FBXL13: variants seen among roughly 807,000 people sequenced by gnomAD.
FBXL13 encodes the protein F-box and leucine rich repeat protein 13, also known as F-box and leucine-rich repeat protein 13.
FBXL13 carries 67 observed loss-of-function variants against 83.6 expected under a neutral mutation model. The ratio of observed to expected loss-of-function variants is 0.80; its 90% CI spans 0.66 to 0.98. The LOEUF (loss-of-function observed/expected upper bound fraction) is 0.98. Ranked by LOEUF, FBXL13 falls within the 50% of genes least tolerant of loss-of-function variation. The probability of loss-of-function intolerance (pLI) is 0.00; values close to 1 mark genes in which losing one functional copy is unlikely to be tolerated. For synonymous variants in FBXL13, 272 were observed against 299.5 expected, an observed-to-expected ratio of 0.91 and a Z score of 0.95; for missense variants, 822 against 866.5, an observed-to-expected ratio of 0.95 and a Z score of 0.64.
intron 14 of FBXL13, among the ~76,000 whole-genome samples, chr7:102,881,799 A>G (rs1230730819): frequency 6.6e-6 from 1 of 152,194 alleles, no homozygotes; most frequent in Non-Finnish European, 1.5e-5. Flanking sequence ...GTCTGCTTCC[A>G]GGCTCACTCA....
rs543899340 is a variant in FBXL13 at position 102,900,830 on chromosome 7, G to A, written c.1008+12256C>T. On this transcript the variant is annotated intron_variant, in intron 11 of 19. Transcript: ENST00000313221. ...TACTGAATTATTAAATGAACAGATG[G>A]AAATGAAAAAGGGATGAATGAAAGA... Among the ~76,000 whole-genome samples the A allele has an allele frequency of 2.5e-3, 379 of 152,178 alleles. 2 individuals are homozygous for A. The highest frequency in any genetic ancestry group is 0.01 in the Middle Eastern group (3 of 294).
intron 11 of FBXL13, among the ~76,000 whole-genome samples, chr7:102,893,637 G>A (rs1254693480): frequency 2.6e-5 from 4 of 151,906 alleles, no homozygotes; most frequent in South Asian, 2.1e-4. Context: ...GTGTGGTGGC[G>A]GGGACCTGTA....
intron 6 of FBXL13, among the ~76,000 whole-genome samples, chr7:103,024,135 AAGAGAGAGAGAGAGAGAG>A (rs59206823): frequency 0.016 from 1,581 of 96,670 alleles, 37 homozygotes; most frequent in African/African-American, 0.045. Context: ...AAAAGTTAAA[AAGAGAGAGAGAGAGAGAG>A]AGAGAGAGAG....
At chr7:103,013,267 A>G (rs1366010024) in intron 6 of FBXL13, among the ~76,000 whole-genome samples, 1 of 152,196 alleles carries the variant, frequency 6.6e-6, no homozygotes, top group African/African-American at 2.4e-5. Flanking sequence ...ACCTGAACTC[A>G]ATGCTTGACC....
At chr7:102,991,934 C>T (rs1829605184) in intron 6 of FBXL13, among the ~76,000 whole-genome samples, 1 of 152,184 alleles carries the variant, frequency 6.6e-6, no homozygotes, top group Non-Finnish European at 1.5e-5. Flanking sequence ...GCCTCCTACC[C>T]CTCCAGTCAC....
chr7:102,823,903 A>G (rs1444350003), intron 18 of FBXL13, among the ~76,000 whole-genome samples: 1 of 152,202 alleles, frequency 6.6e-6, no homozygotes, highest in Non-Finnish European at 1.5e-5. Context: ...AATGCCTCAG[A>G]CATTCCTGCC....
chr7:103,059,678 T>C (rs1193567555), intron 1 of FBXL13, among the ~76,000 whole-genome samples: 3 of 152,140 alleles, frequency 2.0e-5, no homozygotes, highest in African/African-American at 7.2e-5. Flanking sequence ...TTGGCTCTAC[T>C]TCCCTACACT....
chr7:102,941,566 T>C (rs575900186), intron 8 of FBXL13, among the ~76,000 whole-genome samples: 29 of 152,272 alleles, frequency 1.9e-4, no homozygotes, highest in African/African-American at 6.7e-4. Flanking sequence ...TCTTGATAAA[T>C]AGACTCTGTC....
At chr7:103,028,843 T>A in intron 3 of FBXL13, 95 bp from the exon 5 acceptor site, 1 of 1,062,788 alleles carries the variant, frequency 9.4e-7, no homozygotes, top group Non-Finnish European at 1.3e-6. Flanking sequence ...GATATCTCCT[T>A]TATGACCTCA....
chr7:102,908,244 G>C (rs1814071373), intron 11 of FBXL13, among the ~76,000 whole-genome samples: 1 of 152,100 alleles, frequency 6.6e-6, no homozygotes, highest in Non-Finnish European at 1.5e-5. Flanking sequence ...TTCAGCTCCA[G>C]AATTTGTTTC....
chr7:102,957,077 G>C (rs904894243), intron 8 of FBXL13, among the ~76,000 whole-genome samples: 2 of 152,122 alleles, frequency 1.3e-5, no homozygotes, highest in African/African-American at 2.4e-5. Context: ...GCATTGCCAA[G>C]ACAATCCTAA....
chr7:102,957,061 G>C (rs1449245190), intron 8 of FBXL13, among the ~76,000 whole-genome samples: 1 of 152,114 alleles, frequency 6.6e-6, no homozygotes, highest in Non-Finnish European at 1.5e-5. Flanking sequence ...AATGAAAAAA[G>C]ATCCTGCATT....
intron 8 of FBXL13, among the ~76,000 whole-genome samples, chr7:102,959,929 TAAAAG>T (rs1824909661): frequency 6.6e-6 from 1 of 152,174 alleles, no homozygotes; most frequent in South Asian, 2.1e-4. Context: ...TTTCAGGACA[TAAAAG>T]AAAATATAAA....
At chr7:102,827,982 G>A (rs542310474) in intron 18 of FBXL13, among the ~76,000 whole-genome samples, 130 of 152,222 alleles carry the variant, frequency 8.5e-4, no homozygotes, top group South Asian at 4.4e-3. Flanking sequence ...TTTGGTTACC[G>A]TAGCCTTGTA....
intron 8 of FBXL13, chr7:102,934,009 T>TG: frequency 6.2e-7 from 1 of 1,614,106 alleles, no homozygotes; most frequent in Non-Finnish European, 8.5e-7. Flanking sequence ...GAGTGAATCA[T>TG]GGCCGGGCGG....
At chr7:103,051,477 A>G (rs1428579926) in intron 2 of FBXL13, among the ~76,000 whole-genome samples, 1 of 152,158 alleles carries the variant, frequency 6.6e-6, no homozygotes, top group Non-Finnish European at 1.5e-5. Context: ...GAGAGAGCTT[A>G]CCCACGATCC....
chr7:102,839,129 G>A lies in FBXL13; in HGVS notation c.1720-6155C>T, dbSNP rs183886258. ...GACATGTTGGCAGCAATGCTGCTTT[G>A]TTATTCTTTACTCCACTGAGATGTA... On this transcript the variant is annotated intron_variant, in intron 17 of 19. Coordinates refer to ENST00000313221, the Ensembl canonical transcript of FBXL13. Among the ~76,000 whole-genome samples the A allele has an allele frequency of 9.7e-4, 148 of 152,334 alleles. 1 individual carries two copies. The highest frequency in any genetic ancestry group is 1.8e-3 in the Non-Finnish European group (122 of 68,028).
chr7:103,066,858 C>T (rs1050698678), intron 1 of FBXL13, among the ~76,000 whole-genome samples: 16 of 145,508 alleles, frequency 1.1e-4, no homozygotes, highest in African/African-American at 3.6e-4. Context: ...ATGGCGTGAT[C>T]GCAGCTCACC....
At chr7:102,983,113 T>C (rs1231609405) in intron 6 of FBXL13, among the ~76,000 whole-genome samples, 1 of 152,132 alleles carries the variant, frequency 6.6e-6, no homozygotes, top group Non-Finnish European at 1.5e-5. Context: ...AGTCTAATTA[T>C]GAGACTAGAA....
Sources: gnomAD v4.1 joint callset for allele counts (sites outside exome capture counted in the v4.1 genomes callset) on GRCh38, gnomAD v4.1.1 for gene constraint, MANE v1.5 for transcripts, NCBI Gene and HGNC (gene_info 2026-07-23, HGNC 2026-07-21) for gene names.